The following APOL3 variants were observed in gnomAD, a reference collection of about 807,000 sequenced individuals.
The protein encoded by APOL3 is apolipoprotein L3.
In APOL3, 14 loss-of-function variants were observed where a neutral mutation model predicts 11.6. The observed-to-expected ratio is 1.21, with a 90% CI of 0.80 to 1.89. APOL3 has a LOEUF of 1.89. Among genes scored for constraint, APOL3 ranks in the 40% most tolerant of loss-of-function variants. APOL3 has a pLI of 0.00. For synonymous variants in APOL3, 192 were observed against 190.6 expected (o/e 1.01, Z -0.06); for missense variants, 483 against 492.1 (o/e 0.98, Z 0.17).
chr22:36,141,517 T>C, exon 3 of APOL3: 1 of 1,614,242 alleles, frequency 6.2e-7, no homozygotes, highest in Non-Finnish European at 8.5e-7. Flanking sequence ...GCTTGCCTGA[T>C]GGCACGGATT....
chr22:36,150,407 G>A (rs1389321678), intron 1 of APOL3, among the ~76,000 whole-genome samples: 1 of 152,174 alleles, frequency 6.6e-6, no homozygotes, highest in Non-Finnish European at 1.5e-5. Flanking sequence ...TCTTCCAAGA[G>A]CCTATTAAGT....
rs577259143 is a variant in APOL3, at chr22:36,152,471, G to A, written c.224-6872C>T. Among the ~76,000 whole-genome samples the A allele has an allele frequency of 2.0e-5, 3 of 152,294 alleles. 1 individual carries two copies. The South Asian group carries it at 6.2e-4, about 32-fold the overall frequency. Reference sequence around the variant, plus strand: ...CAGTCAGTATAATTAATGTTCCATGGTAAAGGTGGGAGGTGAAACACTGAA... The same window carrying A: ...CAGTCAGTATAATTAATGTTCCATGATAAAGGTGGGAGGTGAAACACTGAA... On this transcript the variant is annotated intron_variant, in intron 1 of 2. Transcript: ENST00000349314.
chr22:36,160,754 A>G (rs749449409), exon 1 of APOL3: 11 of 1,614,068 alleles, frequency 6.8e-6, no homozygotes, highest in Admixed American at 1.7e-5. Flanking sequence ...CATCTGCATA[A>G]TAACCAGACA....
At chr22:36,153,930 G>A (rs967472875) in intron 1 of APOL3, among the ~76,000 whole-genome samples, 2 of 152,190 alleles carry the variant, frequency 1.3e-5, no homozygotes, top group African/African-American at 4.8e-5. Flanking sequence ...GGCGTTTCCA[G>A]GCTACAGGTA....
Position 36,145,603 on chromosome 22 carries a change from C to A in APOL3, c.224-4G>T. ...TCTTCAGTAAAGCGTTTCTTTTCTA[C>A]TTGGAAACAAAAAGCATAAGATTGG... On this transcript the variant is annotated splice_polypyrimidine_tract_variant and splice_region_variant and intron_variant, in intron 1 of 2. Coordinates refer to ENST00000349314, the Ensembl canonical transcript of APOL3. 1 of 1,612,756 alleles carries A rather than the reference C, an allele frequency of 6.2e-7. No homozygotes were observed. Among genetic ancestry groups the A allele is most frequent in the South Asian group, 1.1e-5 (1 of 90,890 alleles).
chr22:36,153,497 C>T, intron 1 of APOL3: 1 of 435,270 alleles, frequency 2.3e-6, no homozygotes, highest in Non-Finnish European at 4.7e-6. Flanking sequence ...GAGTGAACTC[C>T]TATCTTGAAT....
At chr22:36,144,489 C>T (rs934969056) in intron 2 of APOL3, among the ~76,000 whole-genome samples, 1 of 152,166 alleles carries the variant, frequency 6.6e-6, no homozygotes, top group African/African-American at 2.4e-5. Flanking sequence ...CATAAAACAA[C>T]AGCCCCAGAG....
At chr22:36,160,882 C>G in exon 1 of APOL3, 1 of 1,613,318 alleles carries the variant, frequency 6.2e-7, no homozygotes, top group Non-Finnish European at 8.5e-7. Flanking sequence ...CACCCTTGGC[C>G]CAGTCCCATC....
intron 1 of APOL3, among the ~76,000 whole-genome samples, chr22:36,151,065 C>A (rs753359944): frequency 7.2e-5 from 11 of 152,136 alleles, no homozygotes; most frequent in Non-Finnish European, 1.3e-4. Context: ...AGCAGAGCCT[C>A]AGAGAGGGGA....
chr22:36,163,580 T>C (rs1029799386), upstream of APOL3, among the ~76,000 whole-genome samples: 6 of 152,230 alleles, frequency 3.9e-5, no homozygotes, highest in Non-Finnish European at 8.8e-5. Flanking sequence ...AGCAAGGCTG[T>C]AGTACCCACT....
chr22:36,149,957 C>A (rs2060369799), intron 1 of APOL3: 1 of 455,496 alleles, frequency 2.2e-6, no homozygotes, highest in Non-Finnish European at 4.4e-6. Context: ...CAGGTACATA[C>A]CACCACGCTA....
chr22:36,150,746 G>T (rs527693418), intron 1 of APOL3, among the ~76,000 whole-genome samples: 1 of 152,182 alleles, frequency 6.6e-6, no homozygotes, highest in Admixed American at 6.5e-5. Flanking sequence ...TTAGCTGGGC[G>T]TGGTGGCGTG....
At chr22:36,143,601 T>C (rs183245599) in intron 2 of APOL3, among the ~76,000 whole-genome samples, 2,076 of 152,328 alleles carry the variant, frequency 0.014, 22 homozygotes, top group Admixed American at 0.022. Flanking sequence ...TGCCCTTTGA[T>C]CTTCTGACTG....
chr22:36,161,156 T>C (rs901775485), upstream of APOL3, among the ~76,000 whole-genome samples: 1 of 152,186 alleles, frequency 6.6e-6, no homozygotes, highest in African/African-American at 2.4e-5. Flanking sequence ...GGTGGACGCT[T>C]ATTGCATATT....
chr22:36,149,925 A>T (rs2060369117), intron 1 of APOL3: 2 of 455,974 alleles, frequency 4.4e-6, no homozygotes, highest in African/African-American at 2.0e-5. Flanking sequence ...TTCTGCTTCA[A>T]CTTCCCAAGT....
chr22:36,155,992 G>T, intron 1 of APOL3: 1 of 289,474 alleles, frequency 3.5e-6, no homozygotes, highest in Non-Finnish European at 6.8e-6. Flanking sequence ...AGAGGACAGA[G>T]ACTCTCAGCA....
intron 1 of APOL3, chr22:36,159,465 C>G (rs1345513184): frequency 6.6e-6 from 1 of 152,206 alleles, no homozygotes; most frequent in Non-Finnish European, 1.5e-5. Flanking sequence ...CCAAAATCTT[C>G]CAGGTTTGTT....
chr22:36,141,027 T>C, exon 3 of APOL3: 1 of 898,868 alleles, frequency 1.1e-6, no homozygotes, highest in Non-Finnish European at 1.7e-6. Flanking sequence ...CTTGGTGCAC[T>C]TGCCATCTGC....
intron 1 of APOL3, among the ~76,000 whole-genome samples, chr22:36,154,278 G>A (rs536444207): frequency 3.9e-5 from 6 of 152,064 alleles, no homozygotes; most frequent in Non-Finnish European, 7.4e-5. Context: ...CTTACTTTTG[G>A]TTTATACCGC....
Sources: allele counts gnomAD v4.1 joint callset (sites outside exome capture counted in the v4.1 genomes callset), GRCh38; gene constraint gnomAD v4.1.1; transcripts MANE v1.5; gene names NCBI Gene and HGNC (gene_info 2026-07-23, HGNC 2026-07-21).